GALR2: variants seen among roughly 807,000 people sequenced by gnomAD.
The protein encoded by GALR2 is galanin receptor type 2.
In GALR2, 5 loss-of-function variants were observed where a neutral mutation model predicts 7.2. The ratio of observed to expected loss-of-function variants is 0.69; its 90% CI spans 0.36 to 1.45. The LOEUF (loss-of-function observed/expected upper bound fraction) is 1.45. Among genes scored for constraint, GALR2 ranks in the 40% most tolerant of loss-of-function variants. The pLI is 0.03. For synonymous variants in GALR2, 300 were observed against 263.9 expected, an observed-to-expected ratio of 1.14 and a Z score of -1.32; for missense variants, 561 against 555.7, an observed-to-expected ratio of 1.01 and a Z score of -0.10.
In GALR2 at chr17:76,075,072, C is replaced by T; in HGVS notation, c.189C>T (p.Phe63=). 1 of 1,611,988 alleles carries T rather than the reference C, an allele frequency of 6.2e-7. No homozygotes were observed. Among genetic ancestry groups the T allele is most frequent in the Non-Finnish European group, 8.5e-7 (1 of 1,179,970 alleles). Residue 63 remains phenylalanine (F), a synonymous_variant, in exon 1 of 2, where the codon TTC becomes TTT. Transcript: ENST00000329003. This position sits in a 1 kb window ranked among gnomAD's most constrained non-coding sequence, Gnocchi z 5.9. ...GGQAVSTTNL[F]ILNLGVADLC... ...AGGCGGTCAGCACTACCAACCTGTT[C>T]ATCCTTAACCTGGGCGTGGCCGACC...
At chr17:76,072,457 C>CCGCCACTGCCGCCGCCGA, upstream of GALR2, 1 of 1,582,740 alleles carries the variant, frequency 6.3e-7, no homozygotes, top group African/African-American at 1.3e-5. This position sits in a 1 kb window ranked among gnomAD's most constrained non-coding sequence, Gnocchi z 4.5. Context: ...GCCGCCGCCG[C>CCGCCACTGCCGCCGCCGA]CGCCGCCGCC....
Position 76,077,039 on chromosome 17 carries a change from T to G in GALR2, c.772T>G (p.Cys258Gly). ...GATGCCCCACCACGCGCTCATCCTC[T>G]GCGTGTGGTTCGGCCAGTTCCCGCT... Reference protein sequence around the residue: ...CWMPHHALILCVWFGQFPLTR... With the variant: ...CWMPHHALILGVWFGQFPLTR... Residue 258 changes from cysteine (C) to glycine (G), a missense_variant, in exon 2 of 2, where the codon TGC (cysteine) becomes GGC (glycine). Cys to Gly is a radical substitution (Grantham distance 159). Transcript: ENST00000329003. The G allele has an allele frequency of 6.2e-7, 1 of 1,612,908 alleles. No individual in the cohort carries two copies. The highest frequency in any genetic ancestry group is 8.5e-7 in the Non-Finnish European group (1 of 1,179,894).
upstream of GALR2, chr17:76,072,506 G>C (rs767965962): frequency 6.3e-7 from 1 of 1,580,260 alleles, no homozygotes; most frequent in South Asian, 1.1e-5. The surrounding 1 kb of genome is among the most constrained non-coding windows in gnomAD (Gnocchi z 4.5). Context: ...CCCCTGCGCC[G>C]CAGAGCAAGA....
Position 76,075,091 on chromosome 17 carries a change from G to C in GALR2, c.208G>C (p.Ala70Pro). The C allele has an allele frequency of 6.2e-7, 1 of 1,612,140 alleles. No homozygotes were observed. Among genetic ancestry groups the C allele is most frequent in the Non-Finnish European group, 8.5e-7 (1 of 1,179,992 alleles). The change falls in exon 1 of 2, where the codon GCC becomes CCC. Residue 70 changes from alanine (A) to proline (P), a missense_variant. Physicochemically the swap from Ala to Pro is conservative, Grantham distance 27. Coordinates refer to ENST00000329003, the MANE Select transcript of GALR2 (RefSeq NM_003857.4). The surrounding 1 kb of genome is among the most constrained non-coding windows in gnomAD (Gnocchi z 5.9). ...CCTGTTCATCCTTAACCTGGGCGTG[G>C]CCGACCTGTGTTTCATCCTGTGCTG... Reference protein sequence around the residue: ...TNLFILNLGVADLCFILCCVP... With the variant: ...TNLFILNLGVPDLCFILCCVP...
At chr17:76,072,565 C>A, upstream of GALR2, 1 of 1,515,296 alleles carries the variant, frequency 6.6e-7, no homozygotes, top group Non-Finnish European at 8.7e-7. This position sits in a 1 kb window ranked among gnomAD's most constrained non-coding sequence, Gnocchi z 4.5. Context: ...CTGGACCTGC[C>A]TGGCCGGGCT....
Position 76,075,060 on chromosome 17 carries a change from T to C in GALR2, c.177T>C (p.Thr59=), listed in dbSNP as rs752531667. 6.2e-7 allele frequency: 1 copy of C among 1,611,810 alleles called. No homozygotes were observed. Among genetic ancestry groups the C allele is most frequent in the Non-Finnish European group, 8.5e-7 (1 of 1,179,966 alleles). ...TGCGCGGCGGCCAGGCGGTCAGCAC[T>C]ACCAACCTGTTCATCCTTAACCTGG... ...VLLRGGQAVS[T]TNLFILNLGV... The change falls in exon 1 of 2, where the codon ACT becomes ACC. Residue 59 remains threonine, a synonymous_variant. Transcript: ENST00000329003. The surrounding 1 kb of genome is among the most constrained non-coding windows in gnomAD (Gnocchi z 5.9).
rs2066889399 is a variant in GALR2, at chr17:76,076,577, G to A, written c.369-59G>A. 1 of 1,182,678 alleles carries A rather than the reference G, an allele frequency of 8.5e-7. No individual in the cohort carries two copies. Among genetic ancestry groups the A allele is most frequent in the Non-Finnish European group, 1.2e-6 (1 of 832,944 alleles). The allele number at this position is 1,182,678 out of a possible 1,614,324, so 73.3% of individuals were successfully genotyped here. A position where few individuals can be genotyped will look rare whatever the true frequency, so the allele number is the denominator to read the frequency against. The stretch of plus-strand genomic sequence containing the variant: ...CTTGGGACCGAGGTGCAGGGGTCGC[G>A]GCCCTCCAGCATGAATGTGCCCGCT... On this transcript the variant is annotated intron_variant, in intron 1 of 1. Transcript: ENST00000329003. This position sits in a 1 kb window ranked among gnomAD's most constrained non-coding sequence, Gnocchi z 6.5.
At chr17:76,072,673 C>T, upstream of GALR2, 1 of 1,280,018 alleles carries the variant, frequency 7.8e-7, no homozygotes, top group Non-Finnish European at 1.0e-6. The surrounding 1 kb of genome is among the most constrained non-coding windows in gnomAD (Gnocchi z 4.5). Context: ...CATCCCGGGT[C>T]CGGAATTGTG....
At chr17:76,074,751 A>G, upstream of GALR2, 1 of 968,090 alleles carries the variant, frequency 1.0e-6, no homozygotes. The surrounding 1 kb of genome is among the most constrained non-coding windows in gnomAD (Gnocchi z 6.7). Flanking sequence ...GCCCCAGATG[A>G]GGCAAGGCTC....
chr17:76,076,482 C>G lies in GALR2; in HGVS notation c.369-154C>G, dbSNP rs1336721557. ...TGGGAGGCCCCCACCTCCGCCCTCA[C>G]GCCGAGCCTCACCCCCACCTCCTCT... On this transcript the variant is annotated intron_variant, in intron 1 of 1. Coordinates refer to ENST00000329003, the MANE Select transcript of GALR2 (RefSeq NM_003857.4). This position sits in a 1 kb window ranked among gnomAD's most constrained non-coding sequence, Gnocchi z 6.5. 6.6e-6 allele frequency among the ~76,000 whole-genome samples: 1 copy of G among 152,200 alleles called. No homozygotes were observed. Among genetic ancestry groups the G allele is most frequent in the Non-Finnish European group, 1.5e-5 (1 of 68,034 alleles).
Position 76,077,181 on chromosome 17 carries a change from C to G in GALR2, c.914C>G (p.Thr305Arg). Residue 305 changes from threonine (T) to arginine (R), a missense_variant, in exon 2 of 2, where the codon ACG (threonine) becomes AGG (arginine). Physicochemically the swap from Thr to Arg is moderately conservative, Grantham distance 71. Transcript: ENST00000329003. ...VSKHFRKGFRTICAGLLGRAP... is the reference protein window; with the variant it reads ...VSKHFRKGFRRICAGLLGRAP... ...AAGCACTTCCGCAAAGGCTTCCGCA[C>G]GATCTGCGCGGGCCTGCTGGGCCGT... 1 of 1,611,098 alleles carries G rather than the reference C, an allele frequency of 6.2e-7. No individual in the cohort carries two copies. The highest frequency in any genetic ancestry group is 1.1e-5 in the South Asian group (1 of 90,856).
Position 76,075,420 on chromosome 17 carries a change from C to T in GALR2, c.368+169C>T, listed in dbSNP as rs947434104. Among the ~76,000 whole-genome samples the T allele has an allele frequency of 1.3e-5, 2 of 152,196 alleles. No homozygotes were observed. Among genetic ancestry groups the T allele is most frequent in the Non-Finnish European group, 2.9e-5 (2 of 68,032 alleles). ...AAAAAGAGGAATAAGAATGGGGGAC[C>T]GTGGTGTCCCTCGGTTAGATGCGTC... On this transcript the variant is annotated intron_variant, in intron 1 of 1. Transcript: ENST00000329003. The surrounding 1 kb of genome is among the most constrained non-coding windows in gnomAD (Gnocchi z 5.9).
rs2066890988 is a variant in GALR2, at chr17:76,076,784, A to G, written c.517A>G (p.Thr173Ala). 1 of 1,606,014 alleles carries G rather than the reference A, an allele frequency of 6.2e-7. No homozygotes were observed. Among genetic ancestry groups the G allele is most frequent in the Admixed American group, 1.7e-5 (1 of 59,988 alleles). Reference protein sequence around the residue: ...YYRQSQLANLTVCHPAWSAPR... With the variant: ...YYRQSQLANLAVCHPAWSAPR... ...CCGCCAGTCGCAGCTGGCCAACCTG[A>G]CCGTGTGCCATCCCGCGTGGAGCGC... The change falls in exon 2 of 2, where the codon ACC becomes GCC. Residue 173 changes from threonine to alanine, a missense_variant. Transcript: ENST00000329003. The surrounding 1 kb of genome is among the most constrained non-coding windows in gnomAD (Gnocchi z 6.5).
upstream of GALR2, chr17:76,072,698 G>T: frequency 2.1e-6 from 2 of 973,768 alleles, no homozygotes; most frequent in Non-Finnish European, 2.9e-6. The surrounding 1 kb of genome is among the most constrained non-coding windows in gnomAD (Gnocchi z 4.5). Flanking sequence ...GCTAGGTGGG[G>T]ACTTGAGGCC....
upstream of GALR2, chr17:76,072,369 G>A (rs776338078): frequency 1.2e-6 from 2 of 1,612,270 alleles, no homozygotes; most frequent in Non-Finnish European, 1.7e-6. This position sits in a 1 kb window ranked among gnomAD's most constrained non-coding sequence, Gnocchi z 4.5. Flanking sequence ...AAGGGCGTTC[G>A]TTTTCTTTAT....
chr17:76,076,978 G>T lies in GALR2; in HGVS notation c.711G>T (p.Met237Ile). 6.2e-7 allele frequency: 1 copy of T among 1,607,406 alleles called. No homozygotes were observed. ...GCGCCAAGCGCAAGGTGACACGCAT[G>T]ATCCTCATCGTGGCCGCGCTCTTCT... ...ARRAKRKVTR[M>I]ILIVAALFCL... The change falls in exon 2 of 2, where the codon ATG becomes ATT. Residue 237 changes from methionine (M) to isoleucine (I), a missense_variant. By Grantham distance (10) the Met-to-Ile change is conservative. Transcript: ENST00000329003. This position sits in a 1 kb window ranked among gnomAD's most constrained non-coding sequence, Gnocchi z 6.5.
Position 76,077,002 on chromosome 17 carries a change from C to T in GALR2, c.735C>T (p.Phe245=). The change falls in exon 2 of 2, where the codon TTC becomes TTT. Residue 245 remains phenylalanine, a synonymous_variant. Transcript: ENST00000329003. The stretch of plus-strand genomic sequence containing the variant: ...TGATCCTCATCGTGGCCGCGCTCTT[C>T]TGCCTCTGCTGGATGCCCCACCACG... The part of the protein sequence containing the change: ...TRMILIVAAL[F]CLCWMPHHAL... 2 of 1,610,632 alleles carry T rather than the reference C, an allele frequency of 1.2e-6. No individual in the cohort carries two copies. Among genetic ancestry groups the T allele is most frequent in the African/African-American group, 1.3e-5 (1 of 75,058 alleles).
chr17:76,074,642 C>A (rs2066878782), upstream of GALR2, among the ~76,000 whole-genome samples: 1 of 152,370 alleles, frequency 6.6e-6, no homozygotes, highest in Middle Eastern at 3.4e-3. This position sits in a 1 kb window ranked among gnomAD's most constrained non-coding sequence, Gnocchi z 6.7. Context: ...GCCGGGACCA[C>A]TCCGCAGCCC....
chr17:76,076,197 C>T lies in GALR2; in HGVS notation c.369-439C>T, dbSNP rs1356317080. On this transcript the variant is annotated intron_variant, in intron 1 of 1. Transcript: ENST00000329003. This position sits in a 1 kb window ranked among gnomAD's most constrained non-coding sequence, Gnocchi z 6.5. ...GAGAAATTAACTGTCCCTTGCCCAA[C>T]ATGTCTTCTCCAGGCTGTCTGCTAG... 6.6e-6 allele frequency among the ~76,000 whole-genome samples: 1 copy of T among 152,238 alleles called. No homozygotes were observed. Among genetic ancestry groups the T allele is most frequent in the Non-Finnish European group, 1.5e-5 (1 of 68,036 alleles).
Sources: allele counts gnomAD v4.1 joint callset (sites outside exome capture counted in the v4.1 genomes callset), GRCh38; gene constraint gnomAD v4.1.1; non-coding constraint Gnocchi (gnomAD v3.1); transcripts MANE v1.5; gene names NCBI Gene and HGNC (gene_info 2026-07-23, HGNC 2026-07-21).